Variants in CDK6 observed in about 807,000 individuals in gnomAD.
CDK6 encodes cyclin dependent kinase 6.
CDK6 carries 6 observed loss-of-function variants against 37.1 expected under a neutral mutation model. The ratio of observed to expected loss-of-function variants is 0.16; its 90% CI spans 0.09 to 0.32. The LOEUF is 0.32. Among genes scored for constraint, CDK6 ranks in the 10% least tolerant of loss-of-function variants. CDK6 has a pLI of 1.00. For missense variants in CDK6, 224 were observed against 418.9 expected, an observed-to-expected ratio of 0.53 and a Z score of 4.06; for synonymous variants, 160 against 161.3, an observed-to-expected ratio of 0.99 and a Z score of 0.06.
chr7:92,725,306 A>G, intron 4 of CDK6: 1 of 985,382 alleles, frequency 1.0e-6, no homozygotes, highest in African/African-American at 1.7e-5. Flanking sequence ...TGTGTTCCCT[A>G]GGCATTGTAC....
intron 5 of CDK6, among the ~76,000 whole-genome samples, chr7:92,653,237 C>T (rs1228724793): frequency 6.6e-6 from 1 of 152,192 alleles, no homozygotes; most frequent in Admixed American, 6.5e-5. Context: ...CACTGATGTT[C>T]TTCAATCTAC....
chr7:92,701,082 C>T (rs1486348167), intron 4 of CDK6, among the ~76,000 whole-genome samples: 1 of 152,152 alleles, frequency 6.6e-6, no homozygotes, highest in Admixed American at 6.5e-5. Context: ...AACCTCTGGC[C>T]CCTTTAAGGC....
chr7:92,829,245 T>G (rs1350713304), intron 2 of CDK6, among the ~76,000 whole-genome samples: 2 of 152,166 alleles, frequency 1.3e-5, no homozygotes, highest in Admixed American at 6.5e-5. Flanking sequence ...TTTACAGCCT[T>G]TTCTTTGGGT....
chr7:92,707,203 T>G (rs930324768), intron 4 of CDK6, among the ~76,000 whole-genome samples: 3 of 152,330 alleles, frequency 2.0e-5, no homozygotes, highest in African/African-American at 7.2e-5. Context: ...TTTCATGTAT[T>G]AACTCATTTA....
Position 92,607,495 on chromosome 7 carries a change from T to C in CDK6, c.*7645A>G, listed in dbSNP as rs1795455091. The C allele has an allele frequency of 4.3e-6, 1 of 232,886 alleles. No individual in the cohort carries two copies. Among genetic ancestry groups the C allele is most frequent in the South Asian group, 1.8e-4 (1 of 5,524 alleles). 14.4% of individuals were successfully genotyped at this position (232,886 alleles called of 1,614,324 possible). A position where few individuals can be genotyped will look rare whatever the true frequency, so the allele number is the denominator to read the frequency against. ...CTAGATACCCAAAATACTACATCTATATATTCAAATCTACTAATCATGTTA... is the reference window on the plus strand; with the variant it reads ...CTAGATACCCAAAATACTACATCTACATATTCAAATCTACTAATCATGTTA... On this transcript the variant is annotated 3_prime_UTR_variant, in exon 8 of 8. Transcript: ENST00000424848.
chr7:92,770,294 A>G (rs1799678372), intron 3 of CDK6, among the ~76,000 whole-genome samples: 1 of 151,118 alleles, frequency 6.6e-6, no homozygotes, highest in South Asian at 2.1e-4. Flanking sequence ...CCCAAGATGA[A>G]GTATGAATGT....
chr7:92,682,045 T>G (rs1333097172), intron 4 of CDK6, among the ~76,000 whole-genome samples: 3 of 152,200 alleles, frequency 2.0e-5, no homozygotes, highest in Non-Finnish European at 1.5e-5. Context: ...CTCTTGACTT[T>G]CAATGAAGCC....
intron 4 of CDK6, among the ~76,000 whole-genome samples, chr7:92,683,550 G>C (rs184159214): frequency 1.3e-5 from 2 of 152,308 alleles, no homozygotes; most frequent in Admixed American, 1.3e-4. Context: ...AGTCATGAAG[G>C]TATAGCTCAT....
chr7:92,675,574 C>CT (rs1562932175), intron 4 of CDK6, among the ~76,000 whole-genome samples: 1 of 152,032 alleles, frequency 6.6e-6, no homozygotes, highest in Non-Finnish European at 1.5e-5. Context: ...CTGTAGTTTT[C>CT]TTTTTTGTGT....
At chr7:92,823,153 C>T (rs1584122151) in intron 2 of CDK6, among the ~76,000 whole-genome samples, 2 of 150,758 alleles carry the variant, frequency 1.3e-5, no homozygotes, top group East Asian at 3.9e-4. Context: ...TTTCTCTTGA[C>T]TCATCTCAAA....
At chr7:92,795,793 C>G (rs1192391515) in intron 2 of CDK6, among the ~76,000 whole-genome samples, 3 of 152,064 alleles carry the variant, frequency 2.0e-5, no homozygotes, top group Admixed American at 2.0e-4. Flanking sequence ...TTTCTTGTGT[C>G]AGAATTTTAT....
chr7:92,646,171 C>T (rs1562923052), intron 5 of CDK6, among the ~76,000 whole-genome samples: 1 of 152,188 alleles, frequency 6.6e-6, no homozygotes, highest in Non-Finnish European at 1.5e-5. Context: ...TAATATCTGA[C>T]TTTTCTAAGC....
At chr7:92,714,397 G>A (rs969624664) in intron 4 of CDK6, among the ~76,000 whole-genome samples, 5 of 152,156 alleles carry the variant, frequency 3.3e-5, no homozygotes. Context: ...GGTTTGGTGT[G>A]GGTGGGAAAG....
intron 3 of CDK6, among the ~76,000 whole-genome samples, chr7:92,727,675 G>A (rs1416570939): frequency 6.6e-6 from 1 of 152,150 alleles, no homozygotes; most frequent in Admixed American, 6.6e-5. Flanking sequence ...GAGGGGGTAT[G>A]CAGTGATCTA....
intron 2 of CDK6, among the ~76,000 whole-genome samples, chr7:92,823,836 T>C (rs1198531957): frequency 4.0e-5 from 6 of 151,888 alleles, no homozygotes; most frequent in Non-Finnish European, 7.4e-5. Flanking sequence ...TCAGAAAAAG[T>C]TTTTATTATT....
intron 3 of CDK6, among the ~76,000 whole-genome samples, chr7:92,740,850 C>T (rs369625235): frequency 1.3e-5 from 2 of 152,138 alleles, no homozygotes; most frequent in African/African-American, 4.8e-5. Flanking sequence ...GAAACCTAAG[C>T]TCCTCCTCAC....
At chr7:92,732,138 C>G (rs775438923) in intron 3 of CDK6, among the ~76,000 whole-genome samples, 15 of 152,210 alleles carry the variant, frequency 9.9e-5, no homozygotes, top group Non-Finnish European at 1.9e-4. Context: ...AAATTTTAGG[C>G]CAGGTGTGGT....
chr7:92,618,981 T>C (rs1459224024), intron 6 of CDK6, among the ~76,000 whole-genome samples: 1 of 152,136 alleles, frequency 6.6e-6, no homozygotes, highest in Non-Finnish European at 1.5e-5. Context: ...TAAGGACAAA[T>C]TACTTAACAT....
At chr7:92,731,817 G>GTAA in intron 3 of CDK6, among the ~76,000 whole-genome samples, 1 of 151,888 alleles carries the variant, frequency 6.6e-6, no homozygotes, top group South Asian at 2.1e-4. Context: ...GAGGAACAAT[G>GTAA]TAATGACTTA....
Sources: gnomAD v4.1 joint callset for allele counts (sites outside exome capture counted in the v4.1 genomes callset) on GRCh38, gnomAD v4.1.1 for gene constraint, MANE v1.5 for transcripts, NCBI Gene and HGNC (gene_info 2026-07-23, HGNC 2026-07-21) for gene names.